The following BICC1 variants were observed in gnomAD, a reference collection of about 807,000 sequenced individuals.
The protein encoded by BICC1 is protein bicaudal C homolog 1.
Under a neutral mutation model 111.0 loss-of-function variants are expected in BICC1, and 43 were observed. That is an observed-to-expected ratio of 0.39 (90% CI 0.30 to 0.50). The LOEUF is 0.50. Among genes scored for constraint, BICC1 ranks in the 20% least tolerant of loss-of-function variants. The probability of loss-of-function intolerance (pLI) is 0.88; values close to 1 mark genes in which losing one functional copy is unlikely to be tolerated. For missense variants in BICC1, 1,091 were observed against 1,203.2 expected (o/e 0.91, Z 1.38); for synonymous variants, 467 against 434.4 (o/e 1.07, Z -0.93).
intron 3 of BICC1, among the ~76,000 whole-genome samples, chr10:58,770,291 T>C (rs1032139264): frequency 2.6e-5 from 4 of 152,064 alleles, no homozygotes; most frequent in Admixed American, 2.6e-4. Context: ...ACATTTTTTC[T>C]TTTTTTGAGA....
Position 58,538,975 on chromosome 10 carries a change from T to G in BICC1, c.190+25642T>G, listed in dbSNP as rs2131877437. On this transcript the variant is annotated intron_variant, in intron 1 of 20. Transcript: ENST00000373886. ...TGAAAAAGGAACACTTATACACTGC[T>G]GGTTGGAAAGTAAATTAGTATAACT... is the stretch of plus-strand genomic sequence containing the variant. Among the ~76,000 whole-genome samples, 2 of 152,070 alleles carry G rather than the reference T, an allele frequency of 1.3e-5. 1 individual carries two copies. Among genetic ancestry groups the G allele is most frequent in the South Asian group, 4.1e-4 (2 of 4,824 alleles).
chr10:58,753,639 T>C (rs534633034), intron 3 of BICC1, among the ~76,000 whole-genome samples: 1 of 152,222 alleles, frequency 6.6e-6, no homozygotes, highest in African/African-American at 2.4e-5. Flanking sequence ...CGGCCACACC[T>C]GCTTTCTTTA....
intron 3 of BICC1, among the ~76,000 whole-genome samples, chr10:58,775,411 C>CA (rs199683267): frequency 4.3e-4 from 65 of 149,896 alleles, no homozygotes; most frequent in East Asian, 1.4e-3. Context: ...AAAAAACAAA[C>CA]AAAAAAAAAC....
chr10:58,540,640 C>A (rs1009818588), intron 1 of BICC1, among the ~76,000 whole-genome samples: 1 of 151,926 alleles, frequency 6.6e-6, no homozygotes, highest in Non-Finnish European at 1.5e-5. Context: ...GACAAAAGCC[C>A]AGGACCAGAT....
chr10:58,820,267 AG>A, intron 19 of BICC1, 101 bp from the exon 20 acceptor site: 1 of 712,408 alleles, frequency 1.4e-6, no homozygotes, highest in South Asian at 1.8e-5. Flanking sequence ...GGAAGTAGGC[AG>A]AGCATAATTA....
At chr10:58,521,660 CT>C (rs11363989) in intron 1 of BICC1, among the ~76,000 whole-genome samples, 81,721 of 150,556 alleles carry the variant, frequency 0.54, 23,084 homozygotes, top group African/African-American at 0.71. Context: ...TCCGTTTTGC[CT>C]TTTTTTGCTG....
chr10:58,639,542 C>A (rs1190581218), intron 2 of BICC1, among the ~76,000 whole-genome samples: 1 of 147,958 alleles, frequency 6.8e-6, no homozygotes, highest in Non-Finnish European at 1.5e-5. Flanking sequence ...GGATTACAGG[C>A]GCCTGCCACC....
chr10:58,785,293 C>A (rs983563559), intron 4 of BICC1, among the ~76,000 whole-genome samples: 3 of 152,112 alleles, frequency 2.0e-5, no homozygotes, highest in African/African-American at 7.2e-5. Context: ...TACATACACA[C>A]ACACACACCT....
At chr10:58,558,894 G>C (rs1463110223) in intron 1 of BICC1, among the ~76,000 whole-genome samples, 1 of 151,974 alleles carries the variant, frequency 6.6e-6, no homozygotes, top group Non-Finnish European at 1.5e-5. Context: ...TAAGGTCACT[G>C]ATCACATTTA....
intron 3 of BICC1, among the ~76,000 whole-genome samples, chr10:58,779,393 T>G (rs1162219119): frequency 2.6e-5 from 4 of 152,338 alleles, no homozygotes; most frequent in Non-Finnish European, 4.4e-5. Flanking sequence ...AAATCACAGA[T>G]TCTTAAAATG....
At chr10:58,779,203 A>G (rs1259430494) in intron 3 of BICC1, among the ~76,000 whole-genome samples, 1 of 152,236 alleles carries the variant, frequency 6.6e-6, no homozygotes, top group Non-Finnish European at 1.5e-5. Flanking sequence ...GCTGATTACT[A>G]AAGTGACTTG....
At chr10:58,739,088 C>A (rs1841569874) in intron 3 of BICC1, among the ~76,000 whole-genome samples, 1 of 152,094 alleles carries the variant, frequency 6.6e-6, no homozygotes, top group Non-Finnish European at 1.5e-5. Flanking sequence ...CCTTCTCTTG[C>A]CTAATTGCCC....
chr10:58,516,510 G>T (rs761651996), intron 1 of BICC1, among the ~76,000 whole-genome samples: 2 of 152,080 alleles, frequency 1.3e-5, no homozygotes, highest in Non-Finnish European at 2.9e-5. Flanking sequence ...TTACTGGCAG[G>T]TTGGGGTCTA....
At chr10:58,600,754 T>C (rs1844999414) in intron 1 of BICC1, among the ~76,000 whole-genome samples, 1 of 152,146 alleles carries the variant, frequency 6.6e-6, no homozygotes, top group South Asian at 2.1e-4. Context: ...TGAAGAACTT[T>C]ATGATGATCC....
intron 3 of BICC1, among the ~76,000 whole-genome samples, chr10:58,724,499 C>T (rs1005260450): frequency 3.9e-5 from 6 of 152,118 alleles, no homozygotes; most frequent in Admixed American, 3.9e-4. Flanking sequence ...CAGCCCACTC[C>T]AATGAACAAC....
intron 1 of BICC1, among the ~76,000 whole-genome samples, chr10:58,521,719 C>G (rs12775909): frequency 0.089 from 12,652 of 141,956 alleles, 679 homozygotes; most frequent in Middle Eastern, 0.14. Context: ...GTTTGTGGAT[C>G]AGTATTTTTT....
At chr10:58,700,177 A>G (rs1280829036) in intron 2 of BICC1, among the ~76,000 whole-genome samples, 3 of 152,314 alleles carry the variant, frequency 2.0e-5, no homozygotes, top group Middle Eastern at 3.4e-3. Context: ...TAGGAGGGAA[A>G]TAAACACAGT....
At chr10:58,598,915 C>T (rs1844928496) in intron 1 of BICC1, among the ~76,000 whole-genome samples, 2 of 152,208 alleles carry the variant, frequency 1.3e-5, no homozygotes, top group Non-Finnish European at 2.9e-5. Context: ...CTCATCATTA[C>T]TGGTCATTAG....
At chr10:58,710,748 G>GT (rs1443159706) in intron 3 of BICC1, among the ~76,000 whole-genome samples, 3 of 152,036 alleles carry the variant, frequency 2.0e-5, no homozygotes, top group African/African-American at 4.8e-5. Context: ...TGTGTGTGTG[G>GT]TTTTTTTCTG....
Sources: gnomAD v4.1 joint callset for allele counts (sites outside exome capture counted in the v4.1 genomes callset) on GRCh38, gnomAD v4.1.1 for gene constraint, MANE v1.5 for transcripts, NCBI Gene and HGNC (gene_info 2026-07-23, HGNC 2026-07-21) for gene names.